The following GRIP1 variants were observed in gnomAD, a reference collection of about 807,000 sequenced individuals.
GRIP1 encodes the protein glutamate receptor interacting protein 1, also known as glutamate receptor-interacting protein 1.
A neutral mutation model predicts 129.9 loss-of-function variants in GRIP1; 45 were observed. The observed-to-expected ratio is 0.35, with a 90% CI of 0.27 to 0.44. The LOEUF (loss-of-function observed/expected upper bound fraction) is 0.44, where lower values mean the gene tolerates loss of function less well. Among genes scored for constraint, GRIP1 ranks in the 20% least tolerant of loss-of-function variants. The probability of loss-of-function intolerance (pLI) is 1.00; values close to 1 mark genes in which losing one functional copy is unlikely to be tolerated. For missense variants in GRIP1, 1,196 were observed against 1,396.8 expected (o/e 0.86, Z 2.29); for synonymous variants, 530 against 520.8 (o/e 1.02, Z -0.24).
chr12:66,363,172 CATAT>C (rs35931682), intron 23 of GRIP1, among the ~76,000 whole-genome samples: 2 of 106,132 alleles, frequency 1.9e-5, no homozygotes, highest in Admixed American at 9.5e-5. Context: ...TATACACACA[CATAT>C]ATGTATATAT....
At chr12:66,846,148 T>C (rs2039811072) in intron 1 of GRIP1, among the ~76,000 whole-genome samples, 1 of 152,202 alleles carries the variant, frequency 6.6e-6, no homozygotes, top group Non-Finnish European at 1.5e-5. Flanking sequence ...TTACTATCAT[T>C]TATAATTTTC....
chr12:67,054,522 G>C (rs910239423), intron 1 of GRIP1, among the ~76,000 whole-genome samples: 1 of 152,152 alleles, frequency 6.6e-6, no homozygotes, highest in Non-Finnish European at 1.5e-5. Flanking sequence ...CCAGCATTTT[G>C]GGAGGCCGAA....
chr12:66,536,182 C>T (rs2061598675), intron 4 of GRIP1, among the ~76,000 whole-genome samples: 1 of 152,192 alleles, frequency 6.6e-6, no homozygotes, highest in South Asian at 2.1e-4. Flanking sequence ...TGCCATCTCT[C>T]ACATGGATCA....
chr12:66,456,392 A>G, intron 9 of GRIP1, 50 bp from the exon 10 acceptor site: 1 of 1,057,980 alleles, frequency 9.5e-7, no homozygotes, highest in South Asian at 1.4e-5. Flanking sequence ...ACGAACAAAC[A>G]AAGAACCAAA....
intron 1 of GRIP1, among the ~76,000 whole-genome samples, chr12:66,787,077 A>C (rs1163834249): frequency 2.0e-5 from 3 of 152,088 alleles, no homozygotes; most frequent in Non-Finnish European, 4.4e-5. Context: ...CGCACAAGTA[A>C]CCTTGGATAC....
chr12:66,823,573 T>A (rs2039358142), intron 1 of GRIP1, among the ~76,000 whole-genome samples: 1 of 152,196 alleles, frequency 6.6e-6, no homozygotes, highest in South Asian at 2.1e-4. Context: ...ACACCATATC[T>A]ATCTCTATAG....
intron 1 of GRIP1, among the ~76,000 whole-genome samples, chr12:66,616,782 T>A (rs1330953290): frequency 2.0e-5 from 3 of 152,144 alleles, no homozygotes. Flanking sequence ...TCATCTTCTC[T>A]GAGCACTGCC....
intron 1 of GRIP1, among the ~76,000 whole-genome samples, chr12:66,603,340 C>T (rs77061630): frequency 0.063 from 9,528 of 152,222 alleles, 414 homozygotes; most frequent in Non-Finnish European, 0.097. Context: ...ATATAGCTCA[C>T]ATTGTTTTAG....
intron 1 of GRIP1, among the ~76,000 whole-genome samples, chr12:66,895,699 G>T (rs1025195425): frequency 6.6e-6 from 1 of 152,256 alleles, no homozygotes; most frequent in East Asian, 1.9e-4. Context: ...AAAGCTGGCC[G>T]CAGACCCACC....
At chr12:66,835,207 A>G (rs1056341753) in intron 1 of GRIP1, among the ~76,000 whole-genome samples, 1 of 152,204 alleles carries the variant, frequency 6.6e-6, no homozygotes, top group African/African-American at 2.4e-5. Context: ...ACAGAGCAAC[A>G]GGAACTGTCC....
chr12:66,525,212 G>A (rs148950138), intron 5 of GRIP1, among the ~76,000 whole-genome samples: 3,473 of 152,228 alleles, frequency 0.023, 122 homozygotes, highest in African/African-American at 0.08. Context: ...CCAAAGCCTG[G>A]CAGAGACACA....
chr12:66,353,049 GAAGAC>G (rs1348684011), intron 24 of GRIP1, among the ~76,000 whole-genome samples: 2 of 152,188 alleles, frequency 1.3e-5, no homozygotes, highest in African/African-American at 2.4e-5. Context: ...AGGTCATGTA[GAAGAC>G]AAGTGGTAGG....
At chr12:66,628,647 C>G (rs2140022774) in intron 1 of GRIP1, among the ~76,000 whole-genome samples, 1 of 152,300 alleles carries the variant, frequency 6.6e-6, no homozygotes, top group Non-Finnish European at 1.5e-5. Flanking sequence ...GGGCACCTCT[C>G]CACCAGGGGT....
intron 1 of GRIP1, among the ~76,000 whole-genome samples, chr12:66,854,262 C>T (rs1199732119): frequency 6.6e-6 from 1 of 151,756 alleles, no homozygotes; most frequent in Non-Finnish European, 1.5e-5. Context: ...AAAGGAGTTG[C>T]AGGATGGAGC....
intron 2 of GRIP1, among the ~76,000 whole-genome samples, chr12:66,576,850 T>C (rs1347645437): frequency 6.6e-6 from 1 of 152,208 alleles, no homozygotes; most frequent in East Asian, 1.9e-4. Flanking sequence ...GAAACCTAGC[T>C]CTTAAGAGTG....
chr12:66,613,367 C>T (rs2064894013), intron 1 of GRIP1, among the ~76,000 whole-genome samples: 1 of 152,090 alleles, frequency 6.6e-6, no homozygotes, highest in Non-Finnish European at 1.5e-5. Flanking sequence ...CCATTAAGTA[C>T]CTCCAATGAT....
At chr12:66,566,659 CCT>C (rs1395371840) in intron 2 of GRIP1, among the ~76,000 whole-genome samples, 1 of 152,096 alleles carries the variant, frequency 6.6e-6, no homozygotes, top group Non-Finnish European at 1.5e-5. Context: ...GGGAGGATTC[CCT>C]CTTTTTCTAT....
intron 1 of GRIP1, among the ~76,000 whole-genome samples, chr12:66,827,036 G>T (rs532233663): frequency 2.6e-5 from 4 of 152,170 alleles, no homozygotes; most frequent in African/African-American, 7.2e-5. Flanking sequence ...ACTTTTGGAG[G>T]TAGAAAGAAA....
intron 22 of GRIP1, among the ~76,000 whole-genome samples, chr12:66,374,139 G>A (rs1301493924): frequency 6.6e-6 from 1 of 152,038 alleles, no homozygotes; most frequent in Non-Finnish European, 1.5e-5. Flanking sequence ...TTGGTGTCAT[G>A]GGATATTCTT....
Sources: allele counts gnomAD v4.1 joint callset (sites outside exome capture counted in the v4.1 genomes callset), GRCh38; gene constraint gnomAD v4.1.1; transcripts MANE v1.5; gene names NCBI Gene and HGNC (gene_info 2026-07-23, HGNC 2026-07-21).